PAPSS2: variants seen among roughly 807,000 people sequenced by gnomAD.
The protein encoded by PAPSS2 is bifunctional 3'-phosphoadenosine 5'-phosphosulfate synthase 2.
PAPSS2 carries 61 observed loss-of-function variants against 66.5 expected under a neutral mutation model. The observed-to-expected ratio is 0.92, with a 90% CI of 0.75 to 1.14. PAPSS2 has a LOEUF of 1.14. PAPSS2 is among the 50% of genes most tolerant of loss of function. PAPSS2 has a pLI of 0.00. For synonymous variants in PAPSS2, 289 were observed against 287.5 expected (o/e 1.01, Z -0.05); for missense variants, 708 against 789.6 (o/e 0.90, Z 1.24).
At chr10:87,729,390 C>A (rs1853700976) in intron 9 of PAPSS2, among the ~76,000 whole-genome samples, 1 of 151,972 alleles carries the variant, frequency 6.6e-6, no homozygotes, top group Admixed American at 6.6e-5. Flanking sequence ...ATTATTATGA[C>A]CTGTTATGGT....
intron 1 of PAPSS2, among the ~76,000 whole-genome samples, chr10:87,678,714 A>C (rs941172860): frequency 6.6e-6 from 1 of 152,216 alleles, no homozygotes; most frequent in Admixed American, 6.5e-5. Context: ...AGGAAAATTC[A>C]AATCAAAACC....
At chr10:87,671,368 T>C (rs1852876369) in intron 1 of PAPSS2, among the ~76,000 whole-genome samples, 1 of 152,236 alleles carries the variant, frequency 6.6e-6, no homozygotes, top group African/African-American at 2.4e-5. Flanking sequence ...ATGTAGATTT[T>C]AGCAAATGCT....
chr10:87,708,374 G>A (rs978344666), intron 1 of PAPSS2, among the ~76,000 whole-genome samples: 1 of 152,174 alleles, frequency 6.6e-6, no homozygotes, highest in South Asian at 2.1e-4. Flanking sequence ...TGAAGAAGTA[G>A]CCCTGTGTGT....
chr10:87,732,416 A>G (rs1480082654), intron 9 of PAPSS2, among the ~76,000 whole-genome samples: 1 of 151,918 alleles, frequency 6.6e-6, no homozygotes, highest in Non-Finnish European at 1.5e-5. Context: ...CCAGCTACTC[A>G]GGAGGCTGAG....
At chr10:87,701,552 T>C (rs1301686059) in intron 1 of PAPSS2, among the ~76,000 whole-genome samples, 7 of 151,798 alleles carry the variant, frequency 4.6e-5, no homozygotes, top group Non-Finnish European at 1.0e-4. Context: ...GTTCCCTGCA[T>C]AGCTGGGACT....
intron 1 of PAPSS2, among the ~76,000 whole-genome samples, chr10:87,673,441 G>A (rs1442345754): frequency 6.6e-6 from 1 of 151,974 alleles, no homozygotes; most frequent in Non-Finnish European, 1.5e-5. Flanking sequence ...GATTGCAGGT[G>A]TGAGCCACTG....
chr10:87,735,119 C>T (rs984704275), intron 9 of PAPSS2, among the ~76,000 whole-genome samples: 1 of 152,122 alleles, frequency 6.6e-6, no homozygotes, highest in Non-Finnish European at 1.5e-5. Flanking sequence ...TTCTGCAAAT[C>T]CTCTAGCTGT....
chr10:87,715,194 G>T, intron 6 of PAPSS2, 96 bp downstream of exon 6: 1 of 754,358 alleles, frequency 1.3e-6, no homozygotes, highest in East Asian at 2.7e-5. Flanking sequence ...TATAAATAAG[G>T]TGCACATAAT....
At chr10:87,699,459 C>G (rs1853275329) in intron 1 of PAPSS2, among the ~76,000 whole-genome samples, 1 of 152,158 alleles carries the variant, frequency 6.6e-6, no homozygotes, top group South Asian at 2.1e-4. Flanking sequence ...ATAGTATTTT[C>G]TTATTTGTTC....
At chr10:87,682,126 G>A (rs940662694) in intron 1 of PAPSS2, among the ~76,000 whole-genome samples, 6 of 152,152 alleles carry the variant, frequency 3.9e-5, no homozygotes, top group Admixed American at 2.6e-4. Flanking sequence ...AATAGAATAC[G>A]AAGGGAAAAG....
chr10:87,660,678 C>T (rs1010281487), intron 1 of PAPSS2, among the ~76,000 whole-genome samples: 2 of 151,966 alleles, frequency 1.3e-5, no homozygotes, highest in Non-Finnish European at 2.9e-5. Context: ...GAGCTGTCCT[C>T]CTTTAATGGG....
rs147770145 is a variant in PAPSS2, at chr10:87,667,167, A to G, written c.27+7159A>G. On this transcript the variant is annotated intron_variant, in intron 1 of 12. Transcript: ENST00000456849. Reference sequence around the variant, plus strand: ...ACCACATTTTTGAAAAATTTACAATAAATTGGCTGGGTGTGGTGGCTCATG... The same window carrying G: ...ACCACATTTTTGAAAAATTTACAATGAATTGGCTGGGTGTGGTGGCTCATG... Among the ~76,000 whole-genome samples, 41 of 152,270 alleles carry G rather than the reference A, an allele frequency of 2.7e-4. No homozygotes were observed. In the East Asian group the frequency reaches 6.4e-3, roughly 24 times the overall value.
rs778128101 is a variant in PAPSS2 at position 87,709,233 on chromosome 10, C to A, written c.65C>A (p.Ala22Asp). The change falls in exon 2 of 13, where the codon GCC becomes GAC. Residue 22 changes from alanine (A) to aspartate (D), a missense_variant. Physicochemically the swap from Ala to Asp is moderately radical, Grantham distance 126. Coordinates refer to ENST00000456849, the MANE Select transcript of PAPSS2 (RefSeq NM_001015880.2). Reference protein sequence around the residue: ...QQKSTNVVYQAHHVSRNKRGQ... With the variant: ...QQKSTNVVYQDHHVSRNKRGQ... ...AAATCCACCAATGTAGTCTATCAGG[C>A]CCACCATGTGAGCAGGAATAAGAGA... 1 of 1,613,310 alleles carries A rather than the reference C, an allele frequency of 6.2e-7. No individual in the cohort carries two copies. Among genetic ancestry groups the A allele is most frequent in the South Asian group, 1.1e-5 (1 of 91,060 alleles).
intron 7 of PAPSS2, among the ~76,000 whole-genome samples, chr10:87,716,237 C>T (rs1853530712): frequency 6.6e-6 from 1 of 152,152 alleles, no homozygotes; most frequent in African/African-American, 2.4e-5. Context: ...CACCCTCCAC[C>T]CTCCAGGTTG....
At chr10:87,742,201 A>G (rs1853878781) in intron 10 of PAPSS2, among the ~76,000 whole-genome samples, 1 of 152,260 alleles carries the variant, frequency 6.6e-6, no homozygotes, top group Admixed American at 6.5e-5. Context: ...ATTCACTGAT[A>G]GAGATAGCTG....
intron 5 of PAPSS2, 28 bp downstream of exon 5, chr10:87,714,891 A>G (rs369054627): frequency 2.0e-6 from 3 of 1,473,728 alleles, no homozygotes; most frequent in Middle Eastern, 1.7e-4. Context: ...CTTTTTTTAT[A>G]TGTTTAATAA....
At chr10:87,722,829 G>A (rs184279622) in intron 8 of PAPSS2, among the ~76,000 whole-genome samples, 2 of 152,342 alleles carry the variant, frequency 1.3e-5, no homozygotes, top group Non-Finnish European at 2.9e-5. Context: ...TAGTGTTGTA[G>A]CTACAGGCTT....
At chr10:87,704,842 G>A (rs1175575376) in intron 1 of PAPSS2, among the ~76,000 whole-genome samples, 2 of 151,948 alleles carry the variant, frequency 1.3e-5, no homozygotes, top group Admixed American at 1.3e-4. Flanking sequence ...GGGTTTTACC[G>A]TATCAGCTAG....
chr10:87,670,144 C>T (rs959612819), intron 1 of PAPSS2, among the ~76,000 whole-genome samples: 3 of 152,248 alleles, frequency 2.0e-5, no homozygotes, highest in Non-Finnish European at 4.4e-5. Context: ...TATTTGTTCT[C>T]AGACTCAACC....
Sources: gnomAD v4.1 joint callset for allele counts (sites outside exome capture counted in the v4.1 genomes callset) on GRCh38, gnomAD v4.1.1 for gene constraint, MANE v1.5 for transcripts, NCBI Gene and HGNC (gene_info 2026-07-23, HGNC 2026-07-21) for gene names.